ADAM2: variants seen among roughly 807,000 people sequenced by gnomAD.
The protein encoded by ADAM2 is disintegrin and metalloproteinase domain-containing protein 2.
In ADAM2, 101 loss-of-function variants were observed where a neutral mutation model predicts 99.3. The ratio of observed to expected loss-of-function variants is 1.02; its 90% CI spans 0.87 to 1.20. The LOEUF (loss-of-function observed/expected upper bound fraction) is 1.20. Among genes scored for constraint, ADAM2 ranks in the 50% most tolerant of loss-of-function variants. The probability of loss-of-function intolerance (pLI) is 0.00; values close to 1 mark genes in which losing one functional copy is unlikely to be tolerated. For synonymous variants in ADAM2, 323 were observed against 287.6 expected, an observed-to-expected ratio of 1.12 and a Z score of -1.25; for missense variants, 948 against 878.7, an observed-to-expected ratio of 1.08 and a Z score of -1.00.
At chr8:39,749,227 T>C (rs1340889829) in intron 18 of ADAM2, 85 bp downstream of exon 18, 27 of 1,254,116 alleles carry the variant, frequency 2.2e-5, no homozygotes, top group Admixed American at 1.8e-4. Context: ...TAGATATAAA[T>C]TGGTAGACAA....
At chr8:39,757,888 T>C (rs1802209250) in intron 15 of ADAM2, among the ~76,000 whole-genome samples, 1 of 152,120 alleles carries the variant, frequency 6.6e-6, no homozygotes, top group Non-Finnish European at 1.5e-5. Context: ...CCAACACCAA[T>C]ACTACACAGA....
At position 39,824,874 on chromosome 8, in the gene ADAM2, C is replaced by T. The variant is rs774166901; in HGVS notation, c.212G>A (p.Arg71Lys). The change falls in exon 4 of 21, where the codon AGA becomes AAA. Residue 71 changes from arginine to lysine, a missense_variant. Transcript: ENST00000265708. The stretch of plus-strand genomic sequence containing the variant: ...TCCTGTGCCACTATAACTGTAAACT[C>T]TAAAATTATGGGGTAAAAAGTTTCT... ...MQKNFLPHNF[R>K]VYSYSGTGIM... is the part of the protein sequence containing the mutation. 5.8e-6 allele frequency: 9 copies of T among 1,540,888 alleles called. No individual in the cohort carries two copies. Among genetic ancestry groups the T allele is most frequent in the South Asian group, 5.8e-5 (5 of 86,094 alleles).
At chr8:39,812,162 A>T (rs1804729845) in intron 6 of ADAM2, among the ~76,000 whole-genome samples, 1 of 152,074 alleles carries the variant, frequency 6.6e-6, no homozygotes, top group Admixed American at 6.6e-5. Flanking sequence ...TCATGAGTAA[A>T]CTCCCATTCA....
At chr8:39,813,544 G>C (rs553080082) in intron 6 of ADAM2, among the ~76,000 whole-genome samples, 1 of 152,156 alleles carries the variant, frequency 6.6e-6, no homozygotes, top group Non-Finnish European at 1.5e-5. Flanking sequence ...TGACAGACTG[G>C]ATAAAGAAAA....
chr8:39,783,957 A>G (rs1803343779), intron 10 of ADAM2, among the ~76,000 whole-genome samples: 1 of 151,992 alleles, frequency 6.6e-6, no homozygotes, highest in Admixed American at 6.6e-5. Flanking sequence ...AAAGAAAAAA[A>G]AAAAATTAAG....
intron 17 of ADAM2, 66 bp downstream of exon 17, chr8:39,749,601 A>G (rs1823634527): frequency 4.0e-6 from 5 of 1,247,746 alleles, no homozygotes; most frequent in Non-Finnish European, 5.7e-6. Context: ...GTGTGTGTGT[A>G]GCAATGCAGT....
At chr8:39,830,538 C>A (rs1325445663) in intron 3 of ADAM2, among the ~76,000 whole-genome samples, 2 of 152,016 alleles carry the variant, frequency 1.3e-5, no homozygotes, top group Non-Finnish European at 2.9e-5. Flanking sequence ...ATGATCAAAG[C>A]AATAGAAACA....
In ADAM2 at chr8:39,744,917, T is replaced by C. The variant is rs780369622; in HGVS notation, c.2175-24A>G. 8 of 1,558,126 alleles carry C rather than the reference T, an allele frequency of 5.1e-6. No individual in the cohort carries two copies. The South Asian group carries it at 9.3e-5, about 18-fold the overall frequency. On this transcript the variant is annotated intron_variant, in intron 19 of 20. Coordinates refer to ENST00000265708, the MANE Select transcript of ADAM2 (RefSeq NM_001464.5). ...GCCTGCATATTAAAAATAAAAATAA[T>C]ATTATACTTTCTTCAAGATGATTTT... is the stretch of plus-strand genomic sequence containing the variant.
intron 16 of ADAM2, among the ~76,000 whole-genome samples, chr8:39,751,188 G>A (rs1348579086): frequency 6.6e-6 from 1 of 152,120 alleles, no homozygotes. Flanking sequence ...ATTTTGGATG[G>A]CTGTGGTAGT....
At chr8:39,837,597 G>A (rs1032943695) in intron 1 of ADAM2, among the ~76,000 whole-genome samples, 7 of 152,010 alleles carry the variant, frequency 4.6e-5, no homozygotes, top group Admixed American at 1.3e-4. Context: ...ATGTTGGCCG[G>A]GATGGTCTCG....
In ADAM2 at chr8:39,821,678, C is replaced by T. The variant is rs372227975; in HGVS notation, c.268-16G>A. ...GGCAGAAATTCTGAAAGATAAAATA[C>T]ACATATCTCCATTAGAATGGTTTGT... On this transcript the variant is annotated splice_polypyrimidine_tract_variant and intron_variant, in intron 4 of 20. Transcript: ENST00000265708. The T allele has an allele frequency of 6.7e-7, 1 of 1,494,512 alleles. No individual in the cohort carries two copies. The highest frequency in any genetic ancestry group is 2.3e-5 in the East Asian group (1 of 44,078). 92.6% of individuals were successfully genotyped at this position (1,494,512 alleles called of 1,614,324 possible).
chr8:39,802,060 T>C (rs1383748333), intron 7 of ADAM2, among the ~76,000 whole-genome samples: 2 of 152,302 alleles, frequency 1.3e-5, no homozygotes, highest in Non-Finnish European at 2.9e-5. Context: ...CTTAAGCATA[T>C]TCCAGCTGAG....
intron 6 of ADAM2, among the ~76,000 whole-genome samples, chr8:39,820,002 A>G (rs1043624964): frequency 1.3e-5 from 2 of 152,162 alleles, no homozygotes; most frequent in African/African-American, 4.8e-5. Context: ...CTAGATTTAA[A>G]GACAATTCTA....
intron 3 of ADAM2, among the ~76,000 whole-genome samples, chr8:39,827,719 A>C (rs1350421888): frequency 6.6e-6 from 1 of 152,108 alleles, no homozygotes; most frequent in African/African-American, 2.4e-5. Flanking sequence ...GATGGTTTTT[A>C]GGGGCTGAGA....
intron 4 of ADAM2, among the ~76,000 whole-genome samples, chr8:39,824,318 C>A (rs67560320): frequency 0.25 from 38,223 of 150,042 alleles, 5,053 homozygotes; most frequent in Middle Eastern, 0.42. Context: ...ATGACTAATC[C>A]TGGCAATTTT....
intron 16 of ADAM2, among the ~76,000 whole-genome samples, chr8:39,753,649 G>A (rs1052970355): frequency 6.6e-6 from 1 of 152,150 alleles, no homozygotes; most frequent in African/African-American, 2.4e-5. Context: ...TACTGCCTCA[G>A]GACTTGGCAC....
chr8:39,808,753 T>C (rs947497588), intron 7 of ADAM2, among the ~76,000 whole-genome samples: 2 of 152,024 alleles, frequency 1.3e-5, no homozygotes, highest in African/African-American at 4.8e-5. Context: ...CCGTCTCTAC[T>C]AAAAATACAA....
intron 3 of ADAM2, among the ~76,000 whole-genome samples, chr8:39,828,893 G>C (rs1007012086): frequency 9.2e-5 from 14 of 151,740 alleles, no homozygotes; most frequent in African/African-American, 2.9e-4. Context: ...AGGTGAAAAG[G>C]CTTTATCTTT....
chr8:39,761,136 T>C, intron 15 of ADAM2, 40 bp downstream of exon 15: 2 of 1,250,172 alleles, frequency 1.6e-6, no homozygotes, highest in Non-Finnish European at 2.2e-6. Context: ...AAATATAAGG[T>C]GATAAATAGA....
Sources: allele counts gnomAD v4.1 joint callset (sites outside exome capture counted in the v4.1 genomes callset), GRCh38; gene constraint gnomAD v4.1.1; transcripts MANE v1.5; gene names NCBI Gene and HGNC (gene_info 2026-07-23, HGNC 2026-07-21).